The following DLGAP1 variants were observed in gnomAD, a reference collection of about 807,000 sequenced individuals.
DLGAP1 encodes DLG associated protein 1, also known as disks large-associated protein 1.
A neutral mutation model predicts 90.8 loss-of-function variants in DLGAP1; 11 were observed. That is an observed-to-expected ratio of 0.12 (90% CI 0.08 to 0.20). The LOEUF is 0.20. Ranked by LOEUF, DLGAP1 falls within the 10% of genes least tolerant of loss-of-function variation. The probability of loss-of-function intolerance (pLI) is 1.00; values close to 1 mark genes in which losing one functional copy is unlikely to be tolerated. For missense variants in DLGAP1, 1,050 were observed against 1,333.8 expected, an observed-to-expected ratio of 0.79 and a Z score of 3.31; for synonymous variants, 558 against 540.7, an observed-to-expected ratio of 1.03 and a Z score of -0.44.
chr18:3,759,202 T>C (rs1209399706), intron 5 of DLGAP1, among the ~76,000 whole-genome samples: 1 of 151,734 alleles, frequency 6.6e-6, no homozygotes, highest in Non-Finnish European at 1.5e-5. Context: ...GAGAATAATC[T>C]TGGGGATTCA....
chr18:4,384,286 C>T (rs2144350835), intron 1 of DLGAP1, among the ~76,000 whole-genome samples: 1 of 152,210 alleles, frequency 6.6e-6, no homozygotes, highest in Non-Finnish European at 1.5e-5. Flanking sequence ...TCTCTCTTCT[C>T]AGAGAAGTTA....
At chr18:4,423,631 A>G in intron 1 of DLGAP1, among the ~76,000 whole-genome samples, 1 of 152,106 alleles carries the variant, frequency 6.6e-6, no homozygotes, top group African/African-American at 2.4e-5. Flanking sequence ...ATAGAAAACT[A>G]GGGTTGATAT....
At chr18:3,952,438 T>C (rs1051731245) in intron 3 of DLGAP1, among the ~76,000 whole-genome samples, 19 of 152,260 alleles carry the variant, frequency 1.2e-4, no homozygotes, top group Non-Finnish European at 2.2e-4. Context: ...CCCTAGTGAT[T>C]TGCATTAACC....
chr18:4,347,366 T>C (rs1241271311), intron 1 of DLGAP1, among the ~76,000 whole-genome samples: 1 of 152,094 alleles, frequency 6.6e-6, no homozygotes, highest in Non-Finnish European at 1.5e-5. Flanking sequence ...ATAACGTTGA[T>C]ACCTAAACCT....
rs939590723 is a variant in DLGAP1 at position 3,517,686 on chromosome 18, G to A, written c.2480-9025C>T. Among the ~76,000 whole-genome samples, 7 of 152,020 alleles carry A rather than the reference G, an allele frequency of 4.6e-5. No homozygotes were observed. The highest frequency in any genetic ancestry group is 2.1e-4 in the South Asian group (1 of 4,812). On this transcript the variant is annotated intron_variant, in intron 10 of 12. Coordinates refer to ENST00000315677, the MANE Select transcript of DLGAP1 (RefSeq NM_004746.4). The surrounding 1 kb of genome is among the most constrained non-coding windows in gnomAD (Gnocchi z 4.1). ...TACAAAATTAGTCAGGCACGGTGGC[G>A]CATGCCTGTAATCCCAGCTACTCAG... is the stretch of plus-strand genomic sequence containing the variant.
chr18:3,547,562 G>A (rs1357681885), intron 9 of DLGAP1, among the ~76,000 whole-genome samples: 1 of 149,390 alleles, frequency 6.7e-6, no homozygotes, highest in Non-Finnish European at 1.5e-5. Flanking sequence ...ACACCACAAT[G>A]ACATGCCACT....
At chr18:4,370,769 T>C (rs879404049) in intron 1 of DLGAP1, among the ~76,000 whole-genome samples, 3 of 5,268 alleles carry the variant, frequency 5.7e-4, no homozygotes, top group Non-Finnish European at 1.0e-3. Context: ...ATGTGTGGGT[T>C]TTTTTTTTCA....
chr18:4,322,943 G>GAACAAA (rs1568513548), intron 1 of DLGAP1, among the ~76,000 whole-genome samples: 1 of 97,602 alleles, frequency 1.0e-5, no homozygotes, highest in Admixed American at 1.3e-4. Context: ...CCTGGGCACA[G>GAACAAA]AAAAAAAAAA....
At chr18:3,672,239 C>G (rs2060114785) in intron 7 of DLGAP1, among the ~76,000 whole-genome samples, 1 of 145,380 alleles carries the variant, frequency 6.9e-6, no homozygotes, top group Non-Finnish European at 1.5e-5. Flanking sequence ...CACACACACA[C>G]AGAGGCAAGA....
Position 3,613,526 on chromosome 18 carries a change from T to TG in DLGAP1, c.1592-31279dup, listed in dbSNP as rs1486898762. On this transcript the variant is annotated intron_variant, in intron 7 of 12. Coordinates refer to ENST00000315677, the MANE Select transcript of DLGAP1 (RefSeq NM_004746.4). ...TTTTTAATTTTGAATTTTGCAGAGA[T>TG]GGGGGTCTCCCTGTGTTGCCCAGGC... Among the ~76,000 whole-genome samples the TG allele has an allele frequency of 1.7e-3, 253 of 152,204 alleles. 1 individual carries two copies. The highest frequency in any genetic ancestry group is 5.8e-3 in the African/African-American group (239 of 41,526).
At chr18:4,155,780 G>C (rs191185541) in intron 1 of DLGAP1, among the ~76,000 whole-genome samples, 13 of 152,220 alleles carry the variant, frequency 8.5e-5, no homozygotes, top group Admixed American at 8.5e-4. Context: ...TGGCTTTTCA[G>C]CTTTTACTCT....
chr18:3,830,357 A>G (rs571807751), intron 4 of DLGAP1, among the ~76,000 whole-genome samples: 2 of 152,318 alleles, frequency 1.3e-5, no homozygotes, highest in South Asian at 2.1e-4. Context: ...CGATGTCAGG[A>G]GTTCAAGACC....
intron 3 of DLGAP1, among the ~76,000 whole-genome samples, chr18:3,941,424 T>C (rs186976227): frequency 7.2e-5 from 11 of 152,190 alleles, no homozygotes; most frequent in African/African-American, 2.4e-4. Flanking sequence ...CACGAGAATG[T>C]TGGAAACAGG....
At chr18:3,621,433 A>G (rs2058093530) in intron 7 of DLGAP1, among the ~76,000 whole-genome samples, 1 of 152,180 alleles carries the variant, frequency 6.6e-6, no homozygotes, top group Non-Finnish European at 1.5e-5. Flanking sequence ...TACATATTTT[A>G]AGTTCAGCCT....
intron 5 of DLGAP1, among the ~76,000 whole-genome samples, chr18:3,791,274 C>T (rs374174910): frequency 6.6e-6 from 1 of 152,192 alleles, no homozygotes; most frequent in Non-Finnish European, 1.5e-5. Context: ...AATTACTAAT[C>T]AAAATTGGCT....
At chr18:4,135,345 T>C (rs991953147) in intron 2 of DLGAP1, among the ~76,000 whole-genome samples, 8 of 152,104 alleles carry the variant, frequency 5.3e-5, no homozygotes, top group Non-Finnish European at 1.2e-4. Context: ...GAAGTACTAG[T>C]AGATGCCCTC....
chr18:4,198,164 T>G (rs1470686164), intron 1 of DLGAP1, among the ~76,000 whole-genome samples: 1 of 152,098 alleles, frequency 6.6e-6, no homozygotes, highest in Non-Finnish European at 1.5e-5. Flanking sequence ...GAGTTTGCAG[T>G]GAGCCGAGAT....
At chr18:3,986,046 C>T in intron 3 of DLGAP1, 1 of 152,126 alleles carries the variant, frequency 6.6e-6, no homozygotes, top group Admixed American at 6.5e-5. Context: ...CAACACAGTC[C>T]TTCATTTTCT....
At chr18:3,867,776 T>G (rs1376584275) in intron 4 of DLGAP1, among the ~76,000 whole-genome samples, 1 of 145,544 alleles carries the variant, frequency 6.9e-6, no homozygotes, top group African/African-American at 2.7e-5. Flanking sequence ...ATAAAACTTG[T>G]TTTTTTTTAT....
Sources: gnomAD v4.1 joint callset for allele counts (sites outside exome capture counted in the v4.1 genomes callset) on GRCh38, gnomAD v4.1.1 for gene constraint, Gnocchi (gnomAD v3.1) non-coding constraint, MANE v1.5 for transcripts, NCBI Gene and HGNC (gene_info 2026-07-23, HGNC 2026-07-21) for gene names.